The following DRC8 variants were observed in gnomAD, a reference collection of about 807,000 sequenced individuals.
The protein encoded by DRC8 is dynein regulatory complex subunit 8, also known as dynein regulatory complex protein 8.
chr1:244,998,293 C>T, the DRC8 span, among the ~76,000 whole-genome samples: 95,358 of 152,030 alleles, frequency 0.63, 30,013 homozygotes, highest in East Asian at 0.75. Flanking sequence ...ACTGCAGCCT[C>T]GAATGGCTGG....
At chr1:245,124,749 C>A in the DRC8 span, 1 of 151,504 alleles carries the variant, frequency 6.6e-6, no homozygotes, top group Non-Finnish European at 1.5e-5. Context: ...AGTTTGAAGA[C>A]CCCCACAGAG....
At chr1:245,079,448 G>A in the DRC8 span, among the ~76,000 whole-genome samples, 2 of 152,114 alleles carry the variant, frequency 1.3e-5, no homozygotes, top group Admixed American at 1.3e-4. Context: ...CATCTATTAG[G>A]CAAGAAAGAT....
chr1:245,073,609 AT>A, the DRC8 span, among the ~76,000 whole-genome samples: 3 of 152,144 alleles, frequency 2.0e-5, no homozygotes, highest in African/African-American at 7.2e-5. Context: ...AAATTTATTA[AT>A]TAAAAAAAGA....
the DRC8 span, among the ~76,000 whole-genome samples, chr1:245,092,217 T>C: frequency 3.3e-5 from 5 of 152,182 alleles, no homozygotes; most frequent in African/African-American, 1.2e-4. Flanking sequence ...TTAGTCCCCT[T>C]TGCAGTCACC....
the DRC8 span, among the ~76,000 whole-genome samples, chr1:245,055,556 A>G: frequency 6.6e-6 from 1 of 151,852 alleles, no homozygotes; most frequent in African/African-American, 2.4e-5. Flanking sequence ...TCCTGGCCTC[A>G]AGTGATCCTC....
At chr1:245,111,230 C>G in the DRC8 span, among the ~76,000 whole-genome samples, 1 of 152,132 alleles carries the variant, frequency 6.6e-6, no homozygotes, top group South Asian at 2.1e-4. Flanking sequence ...CTTTCTTCAC[C>G]CAGGTCTGCA....
chr1:245,061,465 A>G, the DRC8 span, among the ~76,000 whole-genome samples: 3 of 152,240 alleles, frequency 2.0e-5, no homozygotes, highest in African/African-American at 7.2e-5. Context: ...AGTAGGGGTC[A>G]CTGAGCTATT....
the DRC8 span, among the ~76,000 whole-genome samples, chr1:245,034,916 T>C: frequency 1.7e-4 from 26 of 151,858 alleles, no homozygotes; most frequent in African/African-American, 5.8e-4. Context: ...AGCAGTGTCT[T>C]ATTTGGGAAA....
the DRC8 span, among the ~76,000 whole-genome samples, chr1:245,027,943 A>G: frequency 1.3e-5 from 2 of 151,580 alleles, no homozygotes; most frequent in African/African-American, 4.9e-5. Flanking sequence ...CCAGGCAGGA[A>G]TGCAGTGGTG....
the DRC8 span, among the ~76,000 whole-genome samples, chr1:245,121,176 A>G: frequency 3.3e-5 from 5 of 152,348 alleles, no homozygotes; most frequent in Admixed American, 6.5e-5. Flanking sequence ...ATAAACCTGT[A>G]ACAAAGAAAT....
the DRC8 span, among the ~76,000 whole-genome samples, chr1:245,068,208 G>A: frequency 0.11 from 16,085 of 152,130 alleles, 1,178 homozygotes; most frequent in African/African-American, 0.2. Flanking sequence ...TAAATAAAAC[G>A]TGTTTTTATA....
the DRC8 span, among the ~76,000 whole-genome samples, chr1:245,004,569 G>T: frequency 0.52 from 79,561 of 151,930 alleles, 23,285 homozygotes; most frequent in East Asian, 0.75. Context: ...AGGATATTTT[G>T]TATATTGGCC....
chr1:245,121,817 C>A, the DRC8 span: 1 of 385,942 alleles, frequency 2.6e-6, no homozygotes, highest in South Asian at 2.0e-5. Context: ...CCCTCAGCAG[C>A]CTCACAGGCC....
chr1:245,067,498 C>G, the DRC8 span, among the ~76,000 whole-genome samples: 43 of 152,278 alleles, frequency 2.8e-4, no homozygotes, highest in Middle Eastern at 3.4e-3. Flanking sequence ...TGTAATGACA[C>G]TAGTGAATCA....
At chr1:245,072,132 T>C in the DRC8 span, among the ~76,000 whole-genome samples, 1 of 152,230 alleles carries the variant, frequency 6.6e-6, no homozygotes, top group Non-Finnish European at 1.5e-5. Flanking sequence ...CAGATGCTTA[T>C]AGCAGCTTCA....
chr1:245,016,603 T>G, the DRC8 span, among the ~76,000 whole-genome samples: 2 of 152,366 alleles, frequency 1.3e-5, no homozygotes, highest in South Asian at 2.1e-4. Flanking sequence ...CCAATAAAAG[T>G]AGCTCTATGG....
the DRC8 span, chr1:245,002,051 A>G: frequency 3.2e-6 from 4 of 1,248,346 alleles, no homozygotes; most frequent in East Asian, 5.1e-5. Context: ...TTATTTTTTC[A>G]TCACGTAATC....
chr1:245,066,355 T>C, the DRC8 span, among the ~76,000 whole-genome samples: 359 of 152,336 alleles, frequency 2.4e-3, 1 homozygote, highest in African/African-American at 7.5e-3. Context: ...GACATTGTAA[T>C]AGTCTTTAGA....
At chr1:245,083,538 C>G in the DRC8 span, 1 of 1,573,262 alleles carries the variant, frequency 6.4e-7, no homozygotes, top group Non-Finnish European at 8.7e-7. Context: ...CATTTATTTA[C>G]ATACACACAT....
Sources: gnomAD v4.1 joint callset for allele counts (sites outside exome capture counted in the v4.1 genomes callset) on GRCh38, gnomAD v4.1.1 for gene constraint, MANE v1.5 for transcripts, NCBI Gene and HGNC (gene_info 2026-07-23, HGNC 2026-07-21) for gene names.